EYS: variants seen among roughly 807,000 people sequenced by gnomAD.
EYS encodes protein eyes shut homolog.
A neutral mutation model predicts 282.1 loss-of-function variants in EYS; 250 were observed. That is an observed-to-expected ratio of 0.89 (90% CI 0.80 to 0.98). The LOEUF is 0.98. EYS is among the 50% of genes least tolerant of loss of function. The pLI is 0.00. For missense variants in EYS, 4,016 were observed against 3,709.0 expected (o/e 1.08, Z -2.15); for synonymous variants, 1,355 against 1,282.9 (o/e 1.06, Z -1.20).
At chr6:64,942,474 A>G in intron 15 of EYS, among the ~76,000 whole-genome samples, 1 of 144,628 alleles carries the variant, frequency 6.9e-6, no homozygotes, top group Admixed American at 7.1e-5. Flanking sequence ...ACCACTGTCT[A>G]CATTAACAAA....
intron 5 of EYS, among the ~76,000 whole-genome samples, chr6:65,479,019 G>A (rs559020735): frequency 7.9e-5 from 12 of 151,282 alleles, no homozygotes; most frequent in South Asian, 2.1e-4. Context: ...ATAGTGAGAG[G>A]ACCACAAATG....
rs556187447 is a variant in EYS at position 65,077,154 on chromosome 6, C to T, written c.2024-19427G>A. On this transcript the variant is annotated intron_variant, in intron 12 of 42. Transcript: ENST00000503581. The stretch of plus-strand genomic sequence containing the variant: ...CTCTGGAGTGCCTGATGTACTGCTA[C>T]GAGACAGGATCTATTAGCCCTAAGG... Among the ~76,000 whole-genome samples, 12 of 152,126 alleles carry T rather than the reference C, an allele frequency of 7.9e-5. 1 individual carries two copies. In the South Asian group the frequency reaches 2.5e-3, roughly 32 times the overall value.
intron 12 of EYS, among the ~76,000 whole-genome samples, chr6:65,103,813 A>G (rs1236505102): frequency 3.3e-5 from 5 of 151,464 alleles, no homozygotes; most frequent in South Asian, 2.1e-4. Flanking sequence ...ACTATGCTAT[A>G]GCATTAATAG....
intron 26 of EYS, among the ~76,000 whole-genome samples, chr6:64,562,944 C>T (rs907343838): frequency 6.6e-6 from 1 of 151,912 alleles, no homozygotes; most frequent in Non-Finnish European, 1.5e-5. Context: ...AATTGCATAA[C>T]TGTCAATGGT....
At position 64,932,898 on chromosome 6, in the gene EYS, A is replaced by G. The variant is rs1181698446; in HGVS notation, c.2381+12895T>C. On this transcript the variant is annotated intron_variant, in intron 15 of 42. Coordinates refer to ENST00000503581, the MANE Select transcript of EYS (RefSeq NM_001142800.2). ...GTGAAACACTAGACAAATAGTAGAA[A>G]CAACAAAAACAAAAACACTAGCTAC... 3.3e-5 allele frequency among the ~76,000 whole-genome samples: 5 copies of G among 152,084 alleles called. No homozygotes were observed. In the East Asian group the frequency reaches 9.7e-4, roughly 29 times the overall value.
intron 26 of EYS, among the ~76,000 whole-genome samples, chr6:64,541,975 T>C (rs1764705928): frequency 6.6e-6 from 1 of 152,208 alleles, no homozygotes; most frequent in Non-Finnish European, 1.5e-5. Flanking sequence ...GTTCATCATT[T>C]ATATTTATTT....
intron 36 of EYS, among the ~76,000 whole-genome samples, chr6:63,854,219 G>A (rs1369403170): frequency 6.6e-6 from 1 of 152,182 alleles, no homozygotes; most frequent in Non-Finnish European, 1.5e-5. Flanking sequence ...GCCCATCAAT[G>A]TTAGACTGGA....
chr6:65,368,554 T>C (rs1036423184), intron 8 of EYS, among the ~76,000 whole-genome samples: 1 of 151,714 alleles, frequency 6.6e-6, no homozygotes, highest in African/African-American at 2.4e-5. Context: ...CACATGAGAA[T>C]GACTTAAACA....
chr6:64,569,721 A>G (rs1765664902), intron 26 of EYS, among the ~76,000 whole-genome samples: 1 of 151,922 alleles, frequency 6.6e-6, no homozygotes, highest in African/African-American at 2.4e-5. Flanking sequence ...AGCCTGGGCG[A>G]CAGAGTGAGA....
At chr6:65,336,124 T>A (rs181609664) in intron 10 of EYS, among the ~76,000 whole-genome samples, 1 of 151,886 alleles carries the variant, frequency 6.6e-6, no homozygotes, top group East Asian at 2.0e-4. Context: ...CCTGTGGAAC[T>A]GTGTGACAAT....
At chr6:63,741,916 C>T in intron 41 of EYS, 2 of 702,386 alleles carry the variant, frequency 2.8e-6, no homozygotes, top group African/African-American at 3.5e-5. Flanking sequence ...TCCTTACCCT[C>T]CTTCTTCACT....
chr6:64,516,438 T>G (rs1777562386), intron 26 of EYS, among the ~76,000 whole-genome samples: 1 of 151,850 alleles, frequency 6.6e-6, no homozygotes, highest in Non-Finnish European at 1.5e-5. Flanking sequence ...CCTGTACCCC[T>G]GAACTTAAAA....
At chr6:65,355,877 T>C (rs1477989249) in intron 8 of EYS, among the ~76,000 whole-genome samples, 1 of 152,070 alleles carries the variant, frequency 6.6e-6, no homozygotes, top group African/African-American at 2.4e-5. Context: ...GCCCTGCTGA[T>C]AGGAATGTAA....
At chr6:65,203,142 C>T (rs963702204) in intron 12 of EYS, among the ~76,000 whole-genome samples, 3 of 152,198 alleles carry the variant, frequency 2.0e-5, no homozygotes, top group African/African-American at 4.8e-5. Flanking sequence ...ACTGCCACCA[C>T]CACAATTACC....
In EYS at chr6:64,011,318, A is replaced by C. The variant is rs921113272; in HGVS notation, c.6726-12135T>G. Among the ~76,000 whole-genome samples, 4 of 152,168 alleles carry C rather than the reference A, an allele frequency of 2.6e-5. No homozygotes were observed. The East Asian group carries it at 7.7e-4, about 29-fold the overall frequency. On this transcript the variant is annotated intron_variant, in intron 33 of 42. Transcript: ENST00000503581. The stretch of plus-strand genomic sequence containing the variant: ...CCCATTTTCTTTTTTTATTATGAGA[A>C]AACACAAAAATGAAAGATCAAACTA...
intron 26 of EYS, among the ~76,000 whole-genome samples, chr6:64,503,704 G>A (rs1427615902): frequency 6.6e-6 from 1 of 152,102 alleles, no homozygotes; most frequent in South Asian, 2.1e-4. Context: ...CCTTGACTCC[G>A]AACCATCAAA....
intron 36 of EYS, among the ~76,000 whole-genome samples, chr6:63,855,083 T>C (rs1438825910): frequency 6.6e-6 from 1 of 152,256 alleles, no homozygotes; most frequent in East Asian, 1.9e-4. Flanking sequence ...CTTGGTTTAA[T>C]GCTGTTATTG....
At chr6:63,750,347 G>C (rs1450392481) in intron 41 of EYS, among the ~76,000 whole-genome samples, 1 of 152,042 alleles carries the variant, frequency 6.6e-6, no homozygotes, top group Non-Finnish European at 1.5e-5. Context: ...GCTTGGGTTT[G>C]AGCATTTGAA....
At chr6:65,471,202 G>T (rs1169179533) in intron 5 of EYS, among the ~76,000 whole-genome samples, 1 of 144,316 alleles carries the variant, frequency 6.9e-6, no homozygotes, top group East Asian at 2.1e-4. Flanking sequence ...GCACCAGCCT[G>T]GGCAACATAG....
Sources: gnomAD v4.1 joint callset for allele counts (sites outside exome capture counted in the v4.1 genomes callset) on GRCh38, gnomAD v4.1.1 for gene constraint, MANE v1.5 for transcripts, NCBI Gene and HGNC (gene_info 2026-07-23, HGNC 2026-07-21) for gene names.